Variants in TNFRSF19 observed in about 807,000 individuals in gnomAD.
TNFRSF19 encodes TNF receptor superfamily member 19, also known as tumor necrosis factor receptor superfamily member 19.
TNFRSF19 carries 27 observed loss-of-function variants against 46.4 expected under a neutral mutation model. The observed-to-expected ratio is 0.58, with a 90% CI of 0.43 to 0.80. The LOEUF (loss-of-function observed/expected upper bound fraction) is 0.80. Ranked by LOEUF, TNFRSF19 falls within the 30% of genes least tolerant of loss-of-function variation. The pLI is 0.00. For missense variants in TNFRSF19, 511 were observed against 530.8 expected, an observed-to-expected ratio of 0.96 and a Z score of 0.37; for synonymous variants, 204 against 205.0, an observed-to-expected ratio of 1.00 and a Z score of 0.04.
At chr13:23,624,518 T>C (rs1252132531) in intron 4 of TNFRSF19, among the ~76,000 whole-genome samples, 1 of 152,180 alleles carries the variant, frequency 6.6e-6, no homozygotes, top group Non-Finnish European at 1.5e-5. Flanking sequence ...AAATTTTGCT[T>C]CTACCATAAA....
chr13:23,660,238 G>A, intron 6 of TNFRSF19, 127 bp from the exon 7 acceptor site: 1 of 947,852 alleles, frequency 1.1e-6, no homozygotes, highest in Non-Finnish European at 1.6e-6. Context: ...GTGCTTCCAT[G>A]TAAGAAGAAG....
Position 23,613,474 on chromosome 13 carries a change from A to G in TNFRSF19, c.181-2393A>G, listed in dbSNP as rs577897234. On this transcript the variant is annotated intron_variant, in intron 3 of 9. Coordinates refer to ENST00000248484, the MANE Select transcript of TNFRSF19 (RefSeq NM_148957.4). The stretch of plus-strand genomic sequence containing the variant: ...TGACCTGGCTTGAAACAGAATTTCC[A>G]AGGACATTTATTTCCAGTTAATGCA... 1.2e-4 allele frequency among the ~76,000 whole-genome samples: 18 copies of G among 152,290 alleles called. No homozygotes were observed. In the East Asian group the frequency reaches 3.3e-3, roughly 28 times the overall value.
At chr13:23,641,576 CT>C (rs1825990727) in intron 5 of TNFRSF19, among the ~76,000 whole-genome samples, 1 of 152,212 alleles carries the variant, frequency 6.6e-6, no homozygotes, top group Non-Finnish European at 1.5e-5. Context: ...AGTGATCCAC[CT>C]GCCTCAGCCT....
At position 23,659,140 on chromosome 13, in the gene TNFRSF19, C is replaced by T. The variant is rs1215721179; in HGVS notation, c.536C>T (p.Ala179Val). The stretch of plus-strand genomic sequence containing the variant: ...GCTGCCGTTATCTGCAGCGCTCTGG[C>T]CACCGTCCTGCTGGCCCTGCTCATC... ...ALAAVICSALATVLLALLILC... is the reference protein window; with the variant it reads ...ALAAVICSALVTVLLALLILC... Residue 179 changes from alanine to valine, a missense_variant, in exon 6 of 10, where the codon GCC (alanine) becomes GTC (valine). Ala to Val is a moderately conservative substitution (Grantham distance 64). Transcript: ENST00000248484. The surrounding 1 kb of genome is among the most constrained non-coding windows in gnomAD (Gnocchi z 4.9). 4 of 1,614,010 alleles carry T rather than the reference C, an allele frequency of 2.5e-6. No homozygotes were observed. Among genetic ancestry groups the T allele is most frequent in the Non-Finnish European group, 2.5e-6 (3 of 1,180,048 alleles).
At chr13:23,577,296 A>G (rs1029881699) in intron 1 of TNFRSF19, among the ~76,000 whole-genome samples, 2 of 152,248 alleles carry the variant, frequency 1.3e-5, no homozygotes, top group African/African-American at 4.8e-5. Flanking sequence ...TAATGAACTG[A>G]GTAATGTGTT....
intron 3 of TNFRSF19, among the ~76,000 whole-genome samples, chr13:23,611,606 TC>T (rs1183757286): frequency 6.6e-6 from 1 of 151,948 alleles, no homozygotes; most frequent in Non-Finnish European, 1.5e-5. Flanking sequence ...AAGGAGAGAG[TC>T]CTTGTCAAAA....
At chr13:23,655,673 A>G (rs1224365032) in intron 5 of TNFRSF19, among the ~76,000 whole-genome samples, 1 of 152,176 alleles carries the variant, frequency 6.6e-6, no homozygotes, top group African/African-American at 2.4e-5. Flanking sequence ...AGGAATTATC[A>G]GCAATATCTC....
At chr13:23,593,669 C>A (rs1449632538) in intron 3 of TNFRSF19, among the ~76,000 whole-genome samples, 1 of 152,238 alleles carries the variant, frequency 6.6e-6, no homozygotes, top group African/African-American at 2.4e-5. Flanking sequence ...ACCCAGAATT[C>A]AACAGATGTC....
intron 1 of TNFRSF19, among the ~76,000 whole-genome samples, chr13:23,581,967 A>T (rs531931089): frequency 6.6e-6 from 1 of 152,238 alleles, no homozygotes; most frequent in East Asian, 1.9e-4. Flanking sequence ...TTGAATAGGA[A>T]TGCCCACTTG....
At chr13:23,637,397 C>T (rs1279966743) in intron 5 of TNFRSF19, among the ~76,000 whole-genome samples, 1 of 152,222 alleles carries the variant, frequency 6.6e-6, no homozygotes, top group Admixed American at 6.5e-5. Flanking sequence ...AATGAAGATG[C>T]TAGTGATTGT....
intron 2 of TNFRSF19, among the ~76,000 whole-genome samples, chr13:23,590,934 T>C (rs1391381813): frequency 6.6e-6 from 1 of 152,230 alleles, no homozygotes; most frequent in Non-Finnish European, 1.5e-5. Flanking sequence ...TTATGAATAA[T>C]TTAGAATAGA....
intron 7 of TNFRSF19, among the ~76,000 whole-genome samples, chr13:23,662,279 G>C (rs1884415451): frequency 6.6e-6 from 1 of 151,894 alleles, no homozygotes; most frequent in Non-Finnish European, 1.5e-5. Context: ...AGGATTTATT[G>C]AACAGGGAGT....
At chr13:23,587,721 C>T (rs1878944221) in intron 1 of TNFRSF19, among the ~76,000 whole-genome samples, 1 of 152,144 alleles carries the variant, frequency 6.6e-6, no homozygotes, top group African/African-American at 2.4e-5. Flanking sequence ...GATTTGATTT[C>T]CACTGGTTCT....
rs114086065 is a variant in TNFRSF19 at position 23,640,433 on chromosome 13, T to C, written c.445+13641T>C. Among the ~76,000 whole-genome samples the C allele has an allele frequency of 8.0e-3, 1,221 of 152,334 alleles. 19 individuals carry two copies. Among genetic ancestry groups the C allele is most frequent in the African/African-American group, 0.027 (1,140 of 41,574 alleles). On this transcript the variant is annotated intron_variant, in intron 5 of 9. Coordinates refer to ENST00000248484, the MANE Select transcript of TNFRSF19 (RefSeq NM_148957.4). ...TGCTACTACAGCCTTCCTCGATGAC[T>C]AACCTGTACCCAGCTTTGAGTGAGA... is the stretch of plus-strand genomic sequence containing the variant.
At chr13:23,595,272 A>G (rs1879633435) in intron 3 of TNFRSF19, among the ~76,000 whole-genome samples, 1 of 152,240 alleles carries the variant, frequency 6.6e-6, no homozygotes, top group South Asian at 2.1e-4. Context: ...ACAAATTGAC[A>G]GAAGTAGGCT....
At chr13:23,672,404 C>G (rs940726609) in intron 9 of TNFRSF19, among the ~76,000 whole-genome samples, 17 of 152,166 alleles carry the variant, frequency 1.1e-4, no homozygotes, top group Non-Finnish European at 2.4e-4. Flanking sequence ...TCAACAGGAA[C>G]AGACAGAAAG....
intron 4 of TNFRSF19, among the ~76,000 whole-genome samples, chr13:23,622,942 A>G (rs1379372367): frequency 2.0e-5 from 3 of 152,206 alleles, no homozygotes; most frequent in Non-Finnish European, 4.4e-5. Flanking sequence ...AAAATTGTAT[A>G]TGCATTTTTT....
intron 1 of TNFRSF19, among the ~76,000 whole-genome samples, chr13:23,572,090 T>C (rs941831646): frequency 1.2e-4 from 19 of 152,232 alleles, no homozygotes; most frequent in African/African-American, 4.1e-4. Context: ...CTTTCTACAC[T>C]TTCCTCTTGA....
chr13:23,655,170 T>C (rs1275473188), intron 5 of TNFRSF19, among the ~76,000 whole-genome samples: 1 of 152,244 alleles, frequency 6.6e-6, no homozygotes, highest in Non-Finnish European at 1.5e-5. Flanking sequence ...CCTTTTCTTC[T>C]ATTCAGATTT....
Sources: gnomAD v4.1 joint callset for allele counts (sites outside exome capture counted in the v4.1 genomes callset) on GRCh38, gnomAD v4.1.1 for gene constraint, Gnocchi (gnomAD v3.1) non-coding constraint, MANE v1.5 for transcripts, NCBI Gene and HGNC (gene_info 2026-07-23, HGNC 2026-07-21) for gene names.